GRIN2A: variants seen among roughly 807,000 people sequenced by gnomAD.
GRIN2A encodes glutamate ionotropic receptor NMDA type subunit 2A.
In GRIN2A, 22 loss-of-function variants were observed where a neutral mutation model predicts 113.4. The ratio of observed to expected loss-of-function variants is 0.19; its 90% CI spans 0.14 to 0.28. The LOEUF (loss-of-function observed/expected upper bound fraction) is 0.28, where lower values mean the gene tolerates loss of function less well. Among genes scored for constraint, GRIN2A ranks in the 10% least tolerant of loss-of-function variants. The pLI is 1.00. For synonymous variants in GRIN2A, 827 were observed against 738.4 expected (o/e 1.12, Z -1.94); for missense variants, 1,502 against 1,887.0 (o/e 0.80, Z 3.78).
At chr16:9,949,637 G>C (rs533238563) in intron 2 of GRIN2A, among the ~76,000 whole-genome samples, 114 of 150,816 alleles carry the variant, frequency 7.6e-4, no homozygotes, top group African/African-American at 2.7e-3. Context: ...GATGAATGGA[G>C]AGATGGGATA....
chr16:10,182,705 A>G (rs1293143509), upstream of GRIN2A: 1 of 152,228 alleles, frequency 6.6e-6, no homozygotes, highest in Non-Finnish European at 1.5e-5. Flanking sequence ...GGTCATCTCC[A>G]GGGCTGATGG....
At chr16:9,841,975 G>A (rs969148816) in intron 5 of GRIN2A, among the ~76,000 whole-genome samples, 1 of 152,222 alleles carries the variant, frequency 6.6e-6, no homozygotes, top group Non-Finnish European at 1.5e-5. Context: ...AAGGAGGCCG[G>A]GTATGGTGGC....
At chr16:9,820,106 A>G (rs538101892) in intron 10 of GRIN2A, among the ~76,000 whole-genome samples, 1 of 152,190 alleles carries the variant, frequency 6.6e-6, no homozygotes, top group Non-Finnish European at 1.5e-5. Context: ...CAATTTGTAC[A>G]ATTTATGGCC....
chr16:9,964,924 C>T (rs200006661), intron 2 of GRIN2A, among the ~76,000 whole-genome samples: 11 of 152,146 alleles, frequency 7.2e-5, no homozygotes, highest in African/African-American at 1.2e-4. Context: ...TTTAGCACAA[C>T]GTCTGGCTTA....
At chr16:9,876,633 T>C (rs138390212) in intron 4 of GRIN2A, among the ~76,000 whole-genome samples, 67 of 152,322 alleles carry the variant, frequency 4.4e-4, no homozygotes, top group African/African-American at 1.5e-3. Flanking sequence ...GGATATTTTA[T>C]TAGTCATCTC....
At chr16:9,911,508 A>G (rs528960882) in intron 3 of GRIN2A, among the ~76,000 whole-genome samples, 1 of 152,330 alleles carries the variant, frequency 6.6e-6, no homozygotes, top group East Asian at 1.9e-4. Context: ...TAAAATGGGC[A>G]TAATCATAGC....
rs138714879 is a variant in GRIN2A at position 10,110,436 on chromosome 16, T to G, written c.414+69562A>C. ...TGGGGAATGTCGTGGAACTGTTTGTTTTAATAAAGATTTCTTAACAGAATA... is the reference window on the plus strand; with the variant it reads ...TGGGGAATGTCGTGGAACTGTTTGTGTTAATAAAGATTTCTTAACAGAATA... On this transcript the variant is annotated intron_variant, in intron 2 of 12. Transcript: ENST00000330684. Among the ~76,000 whole-genome samples, 4 of 152,334 alleles carry G rather than the reference T, an allele frequency of 2.6e-5. No individual in the cohort carries two copies. The East Asian group carries it at 7.7e-4, about 29-fold the overall frequency.
At chr16:9,792,497 T>C (rs940592456) in intron 11 of GRIN2A, among the ~76,000 whole-genome samples, 1 of 152,110 alleles carries the variant, frequency 6.6e-6, no homozygotes, top group Non-Finnish European at 1.5e-5. Flanking sequence ...TAGTTAAGAT[T>C]ACAGGCATGA....
intron 10 of GRIN2A, among the ~76,000 whole-genome samples, chr16:9,804,092 C>T (rs1450468965): frequency 1.3e-5 from 2 of 152,084 alleles, no homozygotes; most frequent in Non-Finnish European, 2.9e-5. Context: ...TACTCCAGTC[C>T]ATCGGAAGAC....
At chr16:9,803,648 A>AT (rs1458547499) in intron 10 of GRIN2A, among the ~76,000 whole-genome samples, 1 of 152,166 alleles carries the variant, frequency 6.6e-6, no homozygotes, top group Non-Finnish European at 1.5e-5. Context: ...GCATTATTAT[A>AT]TTTTTTGGTC....
At chr16:10,082,162 T>G (rs180878687) in intron 2 of GRIN2A, among the ~76,000 whole-genome samples, 49 of 152,336 alleles carry the variant, frequency 3.2e-4, no homozygotes, top group Non-Finnish European at 5.7e-4. Flanking sequence ...AAACATTGTA[T>G]GGCCACACTC....
intron 3 of GRIN2A, among the ~76,000 whole-genome samples, chr16:9,914,470 C>A (rs2141561041): frequency 6.6e-6 from 1 of 152,346 alleles, no homozygotes. Context: ...CCTGCACCTG[C>A]TTTCAGTATC....
At chr16:9,857,885 C>T (rs563549248) in intron 4 of GRIN2A, among the ~76,000 whole-genome samples, 3 of 152,228 alleles carry the variant, frequency 2.0e-5, no homozygotes, top group Non-Finnish European at 2.9e-5. Context: ...CAGTTTTTAC[C>T]ATGTCAGTAG....
chr16:9,956,593 A>G (rs1387535238), intron 2 of GRIN2A, among the ~76,000 whole-genome samples: 1 of 152,244 alleles, frequency 6.6e-6, no homozygotes, highest in Non-Finnish European at 1.5e-5. Flanking sequence ...AGAATCCAGT[A>G]GTGAACAAAA....
chr16:10,010,998 T>C (rs780264872), intron 2 of GRIN2A, among the ~76,000 whole-genome samples: 2 of 152,234 alleles, frequency 1.3e-5, no homozygotes, highest in Non-Finnish European at 2.9e-5. Context: ...ATTTGTTCTA[T>C]ATCCCAGTCC....
intron 2 of GRIN2A, among the ~76,000 whole-genome samples, chr16:9,975,118 C>A (rs141274188): frequency 6.4e-4 from 98 of 152,186 alleles, no homozygotes; most frequent in African/African-American, 2.1e-3. Context: ...GATAATTCTG[C>A]ATCTATTGAG....
chr16:10,080,037 G>T (rs1175336548), intron 2 of GRIN2A, among the ~76,000 whole-genome samples: 1 of 152,196 alleles, frequency 6.6e-6, no homozygotes, highest in African/African-American at 2.4e-5. Flanking sequence ...GCACTTTTGT[G>T]CATATTAATC....
At chr16:9,871,288 G>T (rs189418297) in intron 4 of GRIN2A, among the ~76,000 whole-genome samples, 88 of 152,180 alleles carry the variant, frequency 5.8e-4, no homozygotes, top group African/African-American at 2.1e-3. Flanking sequence ...ATGAGGACTT[G>T]CTTAACTGTA....
chr16:9,877,962 C>A (rs759429488), intron 4 of GRIN2A, among the ~76,000 whole-genome samples: 30 of 151,400 alleles, frequency 2.0e-4, no homozygotes, highest in Non-Finnish European at 3.5e-4. Context: ...GTCAGAAAAC[C>A]AAAATGGTTT....
Sources: allele counts gnomAD v4.1 joint callset (sites outside exome capture counted in the v4.1 genomes callset), GRCh38; gene constraint gnomAD v4.1.1; transcripts MANE v1.5; gene names NCBI Gene and HGNC (gene_info 2026-07-23, HGNC 2026-07-21).